CLASP1: variants seen among roughly 807,000 people sequenced by gnomAD.
CLASP1 encodes the protein cytoplasmic linker associated protein 1.
Under a neutral mutation model 192.3 loss-of-function variants are expected in CLASP1, and 38 were observed. That is an observed-to-expected ratio of 0.20 (90% CI 0.15 to 0.26). The LOEUF (loss-of-function observed/expected upper bound fraction) is 0.26, where lower values mean the gene tolerates loss of function less well. CLASP1 is among the 10% of genes least tolerant of loss of function. The probability of loss-of-function intolerance (pLI) is 1.00; values close to 1 mark genes in which losing one functional copy is unlikely to be tolerated. For missense variants in CLASP1, 1,433 were observed against 1,932.5 expected (o/e 0.74, Z 4.85); for synonymous variants, 691 against 712.8 (o/e 0.97, Z 0.49).
At chr2:121,548,856 A>G (rs1170848365) in intron 2 of CLASP1, among the ~76,000 whole-genome samples, 1 of 152,210 alleles carries the variant, frequency 6.6e-6, no homozygotes, top group Admixed American at 6.5e-5. Flanking sequence ...AACCTTTTTC[A>G]GATAAGCAAA....
intron 32 of CLASP1, among the ~76,000 whole-genome samples, chr2:121,384,108 GTA>G (rs746561487): frequency 2.6e-4 from 24 of 93,302 alleles, no homozygotes; most frequent in African/African-American, 4.9e-4. Flanking sequence ...ACATATATAT[GTA>G]TATATATATA....
chr2:121,409,688 A>AC (rs1386220240), intron 24 of CLASP1, among the ~76,000 whole-genome samples: 16 of 152,274 alleles, frequency 1.1e-4, no homozygotes, highest in African/African-American at 3.4e-4. Context: ...TTTGACCTCC[A>AC]CTTCCCAGGG....
At chr2:121,549,059 CAAT>C (rs1416354885) in intron 2 of CLASP1, among the ~76,000 whole-genome samples, 1 of 152,184 alleles carries the variant, frequency 6.6e-6, no homozygotes, top group Admixed American at 6.5e-5. Flanking sequence ...GCTAAGAACA[CAAT>C]GACAGGATTA....
chr2:121,372,503 T>A (rs1573961000), intron 34 of CLASP1, among the ~76,000 whole-genome samples: 1 of 152,266 alleles, frequency 6.6e-6, no homozygotes, highest in African/African-American at 2.4e-5. Context: ...ATGGATATAT[T>A]TGCTTGGATA....
chr2:121,637,865 GAC>G (rs1462478365), intron 1 of CLASP1, among the ~76,000 whole-genome samples: 1 of 150,788 alleles, frequency 6.6e-6, no homozygotes, highest in African/African-American at 2.4e-5. Context: ...TAGCCTGGGC[GAC>G]AGAGTGAGAC....
intron 2 of CLASP1, among the ~76,000 whole-genome samples, chr2:121,541,336 T>C (rs1047618329): frequency 6.6e-6 from 1 of 152,214 alleles, no homozygotes; most frequent in African/African-American, 2.4e-5. Flanking sequence ...TTTTAAGGTA[T>C]TTTGCATGAA....
chr2:121,384,060 G>GTA (rs1198073003), intron 32 of CLASP1, among the ~76,000 whole-genome samples: 2 of 99,686 alleles, frequency 2.0e-5, no homozygotes, highest in African/African-American at 3.9e-5. Flanking sequence ...ACACATATAT[G>GTA]TATATATACA....
At chr2:121,376,696 G>A (rs1355716876) in intron 34 of CLASP1, among the ~76,000 whole-genome samples, 2 of 152,202 alleles carry the variant, frequency 1.3e-5, no homozygotes, top group Non-Finnish European at 2.9e-5. Context: ...TGAGCAGTGG[G>A]CAAGTGAGTG....
intron 34 of CLASP1, among the ~76,000 whole-genome samples, chr2:121,373,330 G>C (rs1350750393): frequency 6.6e-6 from 1 of 152,180 alleles, no homozygotes; most frequent in Admixed American, 6.5e-5. Context: ...CTCCGGTATA[G>C]TCTGTAGAAC....
intron 30 of CLASP1, among the ~76,000 whole-genome samples, chr2:121,388,488 T>C (rs2073751533): frequency 6.6e-6 from 1 of 152,244 alleles, no homozygotes; most frequent in Admixed American, 6.5e-5. Flanking sequence ...CATGCTCTTC[T>C]GCCTTTTGGA....
At chr2:121,441,865 C>T (rs2083407319) in intron 19 of CLASP1, among the ~76,000 whole-genome samples, 1 of 152,078 alleles carries the variant, frequency 6.6e-6, no homozygotes, top group Non-Finnish European at 1.5e-5. Context: ...ACCTAAAATT[C>T]ACAGTTCTTG....
chr2:121,429,977 C>T, intron 20 of CLASP1, 96 bp downstream of exon 20: 1 of 915,806 alleles, frequency 1.1e-6, no homozygotes, highest in Non-Finnish European at 1.7e-6. Flanking sequence ...TGTGTTTTTC[C>T]CTCTGAAGTC....
chr2:121,469,836 A>G, exon 9 of CLASP1: 2 of 1,613,598 alleles, frequency 1.2e-6, no homozygotes, highest in Non-Finnish European at 1.7e-6. Flanking sequence ...GGGTGGATGA[A>G]CCAAGCCGGC....
chr2:121,604,496 T>C (rs1039647721), intron 2 of CLASP1, among the ~76,000 whole-genome samples: 1 of 152,030 alleles, frequency 6.6e-6, no homozygotes, highest in Non-Finnish European at 1.5e-5. Context: ...TGGTAAAACC[T>C]TGTCTCTACA....
intron 2 of CLASP1, among the ~76,000 whole-genome samples, chr2:121,572,765 T>A (rs113885141): frequency 0.038 from 5,845 of 151,926 alleles, 160 homozygotes; most frequent in East Asian, 0.14. Flanking sequence ...TTTTTTTAAG[T>A]TAAAAGTTAA....
chr2:121,382,523 A>C (rs2071960242), intron 32 of CLASP1, among the ~76,000 whole-genome samples, 199 bp from the exon 34 acceptor site: 1 of 152,224 alleles, frequency 6.6e-6, no homozygotes, highest in African/African-American at 2.4e-5. Flanking sequence ...CCTCGATGAG[A>C]CTGCTTTATT....
chr2:121,440,458 G>T (rs2083117888), intron 19 of CLASP1, among the ~76,000 whole-genome samples: 1 of 152,192 alleles, frequency 6.6e-6, no homozygotes, highest in South Asian at 2.1e-4. Flanking sequence ...CCAGCACTTT[G>T]GGAGGCCAAG....
intron 8 of CLASP1, among the ~76,000 whole-genome samples, chr2:121,478,510 A>G (rs1452796045): frequency 6.6e-6 from 1 of 151,942 alleles, no homozygotes; most frequent in Non-Finnish European, 1.5e-5. Flanking sequence ...CTGAGGCAGG[A>G]GGATCGCCTG....
Position 121,528,152 on chromosome 2 carries a change from T to C in CLASP1, c.379-262A>G, listed in dbSNP as rs1445291716. ...GAACCCTGAAAGAGAGGTATAACTGTCCTCATTTTATGGGTGAGGAAAGCA... is the reference window on the plus strand; with the variant it reads ...GAACCCTGAAAGAGAGGTATAACTGCCCTCATTTTATGGGTGAGGAAAGCA... On this transcript the variant is annotated intron_variant, in intron 4 of 39. Transcript: ENST00000263710. Among the ~76,000 whole-genome samples, 5 of 152,226 alleles carry C rather than the reference T, an allele frequency of 3.3e-5. No homozygotes were observed. In the East Asian group the frequency reaches 7.7e-4, roughly 23 times the overall value.
Sources: gnomAD v4.1 joint callset for allele counts (sites outside exome capture counted in the v4.1 genomes callset) on GRCh38, gnomAD v4.1.1 for gene constraint, MANE v1.5 for transcripts, NCBI Gene and HGNC (gene_info 2026-07-23, HGNC 2026-07-21) for gene names.